RET: variants seen among roughly 807,000 people sequenced by gnomAD.
The protein encoded by RET is proto-oncogene tyrosine-protein kinase receptor Ret.
Under a neutral mutation model 118.3 loss-of-function variants are expected in RET, and 19 were observed. The ratio of observed to expected loss-of-function variants is 0.16; its 90% CI spans 0.11 to 0.24. RET has a LOEUF of 0.24. RET is among the 10% of genes least tolerant of loss of function. The pLI, the probability that RET is intolerant of heterozygous loss-of-function variation, is 1.00. For missense variants in RET, 1,219 were observed against 1,502.1 expected, an observed-to-expected ratio of 0.81 and a Z score of 3.12; for synonymous variants, 597 against 644.1, an observed-to-expected ratio of 0.93 and a Z score of 1.11.
At position 43,126,311 on chromosome 10, in the gene RET, C is replaced by A. The variant is rs554887154; in HGVS notation, c.3040-264C>A. On this transcript the variant is annotated intron_variant, in intron 18 of 19. Transcript: ENST00000355710. ...GATAAGACGCTGAGGGAGCACATTT[C>A]TTTCCCCAGGGAGGTGACTTTCCAG... Among the ~76,000 whole-genome samples the A allele has an allele frequency of 3.5e-4, 54 of 152,318 alleles. No individual in the cohort carries two copies. In the East Asian group the frequency reaches 0.01, roughly 29 times the overall value.
rs375414982 is a variant in RET, at chr10:43,123,800, C to T, written c.2931C>T (p.Ser977=). The change falls in exon 17 of 20, where the codon AGC becomes AGT. Residue 977 remains serine (S), a synonymous_variant. Coordinates refer to ENST00000355710, the MANE Select transcript of RET (RefSeq NM_020975.6). ...GHRMERPDNC[S]EEMYRLMLQC... Reference sequence around the variant, plus strand: ...GGATGGAGAGGCCAGACAACTGCAGCGAGGAGATGTGAGCGGGGACTGGCT... The same window carrying T: ...GGATGGAGAGGCCAGACAACTGCAGTGAGGAGATGTGAGCGGGGACTGGCT... The T allele has an allele frequency of 8.1e-6, 13 of 1,614,024 alleles. No homozygotes were observed. Among genetic ancestry groups the T allele is most frequent in the East Asian group, 2.2e-5 (1 of 44,874 alleles).
At chr10:43,123,204 C>CT (rs962636156) in intron 16 of RET, among the ~76,000 whole-genome samples, 2 of 152,126 alleles carry the variant, frequency 1.3e-5, no homozygotes, top group Non-Finnish European at 2.9e-5. Context: ...TTTTCTATAG[C>CT]TTTTTTTCCT....
rs780756440 is a variant in RET, at chr10:43,105,062, C to G, written c.736C>G (p.His246Asp). 6.2e-7 allele frequency: 1 copy of G among 1,609,754 alleles called. No homozygotes were observed. Among genetic ancestry groups the G allele is most frequent in the African/African-American group, 1.3e-5 (1 of 75,048 alleles). Reference sequence around the variant, plus strand: ...CGAGCTGGTGGCCGTGTGCACCGTGCACGCCGGCGCGCGCGAGGAGGTGGT... The same window carrying G: ...CGAGCTGGTGGCCGTGTGCACCGTGGACGCCGGCGCGCGCGAGGAGGTGGT... ...KYELVAVCTV[H>D]AGAREEVVMV... The change falls in exon 4 of 20, where the codon CAC becomes GAC. Residue 246 changes from histidine to aspartate, a missense_variant. By Grantham distance (81) the His-to-Asp change is moderately conservative. Coordinates refer to ENST00000355710, the MANE Select transcript of RET (RefSeq NM_020975.6).
intron 2 of RET, 56 bp from the exon 3 acceptor site, chr10:43,102,286 C>G: frequency 1.2e-6 from 2 of 1,605,970 alleles, no homozygotes; most frequent in South Asian, 2.2e-5. Flanking sequence ...CCTCCCCATT[C>G]CCGACTGCCT....
At chr10:43,128,009 G>A (rs1405717480) in intron 19 of RET, 103 bp from the exon 20 acceptor site, 16 of 1,188,656 alleles carry the variant, frequency 1.3e-5, no homozygotes, top group Non-Finnish European at 1.8e-5. Flanking sequence ...CAGAAACCAC[G>A]AGTTTGGTTT....
At chr10:43,116,432 CAG>C (rs1321018430) in intron 11 of RET, 150 bp from the exon 12 acceptor site, 9 of 935,410 alleles carry the variant, frequency 9.6e-6, no homozygotes, top group Admixed American at 1.9e-5. Context: ...AGGGCAGAGA[CAG>C]GCAGCGTTGC....
intron 19 of RET, 92 bp downstream of exon 19, chr10:43,126,814 G>T (rs1838346027): frequency 3.2e-6 from 5 of 1,546,224 alleles, no homozygotes; most frequent in African/African-American, 1.4e-5. Flanking sequence ...AATGTTTCTG[G>T]TCTGAACAAA....
chr10:43,079,825 G>A (rs909460450), intron 1 of RET, among the ~76,000 whole-genome samples: 41 of 152,138 alleles, frequency 2.7e-4, no homozygotes, highest in African/African-American at 9.9e-4. Context: ...GTATCAGCGC[G>A]GGCAGCTCAG....
At chr10:43,093,235 G>C (rs541727487) in intron 1 of RET, among the ~76,000 whole-genome samples, 1 of 152,258 alleles carries the variant, frequency 6.6e-6, no homozygotes, top group East Asian at 1.9e-4. Context: ...AGGGTGCCAT[G>C]ATTCAGTGGA....
rs1588865603 is a variant in RET, at chr10:43,104,725, C to G, written c.626-227C>G. Reference sequence around the variant, plus strand: ...GAGTGAGGACGCAGCTGCAGCAGGACGTAAGCACAGTCATCGCTGCAAACT... The same window carrying G: ...GAGTGAGGACGCAGCTGCAGCAGGAGGTAAGCACAGTCATCGCTGCAAACT... On this transcript the variant is annotated intron_variant, in intron 3 of 19. Coordinates refer to ENST00000355710, the MANE Select transcript of RET (RefSeq NM_020975.6). 3 of 664,984 alleles carry G rather than the reference C, an allele frequency of 4.5e-6. No homozygotes were observed. The East Asian group carries it at 8.3e-5, about 18-fold the overall frequency. 41.2% of individuals were successfully genotyped at this position (664,984 alleles called of 1,614,324 possible).
At chr10:43,089,179 G>A (rs898846995) in intron 1 of RET, among the ~76,000 whole-genome samples, 9 of 152,384 alleles carry the variant, frequency 5.9e-5, no homozygotes, top group South Asian at 4.1e-4. Context: ...CAGCAGAAGC[G>A]TGTGATGACT....
intron 1 of RET, among the ~76,000 whole-genome samples, chr10:43,092,354 T>C (rs1837428678): frequency 6.6e-6 from 1 of 152,208 alleles, no homozygotes; most frequent in African/African-American, 2.4e-5. Context: ...GTACAGAATT[T>C]CAGTTTTACA....
At chr10:43,112,065 G>T in intron 7 of RET, 34 bp from the exon 8 acceptor site, 1 of 1,579,910 alleles carries the variant, frequency 6.3e-7, no homozygotes. Flanking sequence ...GCCCAGGCCA[G>T]CCCCCTGTGA....
At chr10:43,122,814 T>C (rs1046300249) in intron 16 of RET, among the ~76,000 whole-genome samples, 3 of 152,208 alleles carry the variant, frequency 2.0e-5, no homozygotes, top group Admixed American at 6.5e-5. Flanking sequence ...TTTCACCATG[T>C]TGGTCACACT....
At chr10:43,105,983 G>T (rs549687718) in intron 4 of RET, among the ~76,000 whole-genome samples, 5 of 152,288 alleles carry the variant, frequency 3.3e-5, no homozygotes, top group Non-Finnish European at 5.9e-5. Flanking sequence ...CGGCTCTGCC[G>T]GCTGTTCCTG....
At position 43,077,239 on chromosome 10, in the gene RET, GGCCCCAGCGCGC is replaced by G; in HGVS notation, c.-19_-8del. ...CCCTAGCCGCAGTCCCTCCAGCCGT[GGCCCCAGCGCGC>G]ACGGGCGATGGCGAAGGCGACGTCC... On this transcript the variant is annotated 5_prime_UTR_variant, in exon 1 of 20. Coordinates refer to ENST00000355710, the MANE Select transcript of RET (RefSeq NM_020975.6). 6.7e-7 allele frequency: 1 copy of G among 1,495,202 alleles called. No individual in the cohort carries two copies. Among genetic ancestry groups the G allele is most frequent in the Non-Finnish European group, 8.9e-7 (1 of 1,127,620 alleles). The allele number at this position is 1,495,202 out of a possible 1,614,324, so 92.6% of individuals were successfully genotyped here. A position where few individuals can be genotyped will look rare whatever the true frequency, so the allele number is the denominator to read the frequency against.
chr10:43,126,630 G>A lies in RET; in HGVS notation c.3095G>A (p.Gly1032Asp), dbSNP rs1838335979. Reference sequence around the variant, plus strand: ...TCTGACTCCCTGATTTATGACGACGGCCTCTCAGAGGAGGAGACACCGCTG... The same window carrying A: ...TCTGACTCCCTGATTTATGACGACGACCTCTCAGAGGAGGAGACACCGCTG... ...TPSDSLIYDDGLSEEETPLVD... is the reference protein window; with the variant it reads ...TPSDSLIYDDDLSEEETPLVD... The change falls in exon 19 of 20, where the codon GGC (glycine) becomes GAC (aspartate). Residue 1032 changes from glycine (G) to aspartate (D), a missense_variant. This residue lies in a region of RET where 174 missense variants were observed against 179.3 expected (regional missense o/e 0.97). Transcript: ENST00000355710. The A allele has an allele frequency of 6.2e-7, 1 of 1,614,114 alleles. No individual in the cohort carries two copies. The highest frequency in any genetic ancestry group is 8.5e-7 in the Non-Finnish European group (1 of 1,180,026).
chr10:43,113,182 G>A (rs1161587535), intron 9 of RET, among the ~76,000 whole-genome samples: 8 of 152,196 alleles, frequency 5.3e-5, no homozygotes, highest in Admixed American at 5.2e-4. Flanking sequence ...CCCCTGCTGA[G>A]GTCCCAGAAG....
chr10:43,122,127 T>C (rs1838232102), intron 16 of RET, 111 bp downstream of exon 16: 17 of 851,118 alleles, frequency 2.0e-5, no homozygotes, highest in Non-Finnish European at 3.3e-5. Context: ...GCACTGGCCC[T>C]GAGCACCTGT....
Sources: allele counts gnomAD v4.1 joint callset (sites outside exome capture counted in the v4.1 genomes callset), GRCh38; gene constraint gnomAD v4.1.1; regional missense constraint gnomAD v4.1.1; transcripts MANE v1.5; gene names NCBI Gene and HGNC (gene_info 2026-07-23, HGNC 2026-07-21).